Variants in ROBO2 observed in about 807,000 individuals in gnomAD.
The protein encoded by ROBO2 is roundabout guidance receptor 2, also known as roundabout homolog 2.
A neutral mutation model predicts 160.8 loss-of-function variants in ROBO2; 53 were observed. The observed-to-expected ratio is 0.33, with a 90% CI of 0.26 to 0.41. The LOEUF (loss-of-function observed/expected upper bound fraction) is 0.41. Ranked by LOEUF, ROBO2 falls within the 10% of genes least tolerant of loss-of-function variation. The probability of loss-of-function intolerance (pLI) is 1.00; values close to 1 mark genes in which losing one functional copy is unlikely to be tolerated. For missense variants in ROBO2, 1,577 were observed against 1,722.4 expected, an observed-to-expected ratio of 0.92 and a Z score of 1.49; for synonymous variants, 664 against 611.7, an observed-to-expected ratio of 1.09 and a Z score of -1.26.
chr3:77,443,040 A>T (rs2153555389), intron 2 of ROBO2, among the ~76,000 whole-genome samples: 1 of 152,310 alleles, frequency 6.6e-6, no homozygotes, highest in East Asian at 1.9e-4. Context: ...AATAGTTGAA[A>T]ACCAAATTTA....
intron 2 of ROBO2, among the ~76,000 whole-genome samples, chr3:76,344,519 A>G (rs979758710): frequency 6.6e-6 from 1 of 152,174 alleles, no homozygotes; most frequent in African/African-American, 2.4e-5. Flanking sequence ...AAGGAACTCC[A>G]AAACTCAGAA....
intron 2 of ROBO2, among the ~76,000 whole-genome samples, chr3:76,890,399 T>C (rs929429590): frequency 1.3e-5 from 2 of 152,172 alleles, no homozygotes; most frequent in African/African-American, 2.4e-5. Flanking sequence ...TATACTTTAT[T>C]ACCTAAGATC....
chr3:76,979,927 CA>C (rs1313617915), intron 2 of ROBO2, among the ~76,000 whole-genome samples: 6 of 150,892 alleles, frequency 4.0e-5, no homozygotes, highest in African/African-American at 1.5e-4. Context: ...CTTTCTGTTC[CA>C]AAACCTGATA....
At chr3:77,517,979 G>A (rs904763271) in intron 5 of ROBO2, among the ~76,000 whole-genome samples, 4 of 151,620 alleles carry the variant, frequency 2.6e-5, no homozygotes, top group African/African-American at 7.2e-5. Context: ...TTATTGTACA[G>A]TATATGGTTG....
At chr3:77,294,908 G>A (rs908720217) in intron 2 of ROBO2, among the ~76,000 whole-genome samples, 2 of 151,884 alleles carry the variant, frequency 1.3e-5, no homozygotes, top group Non-Finnish European at 2.9e-5. Context: ...GTAAGCTGAG[G>A]CTAGATCACC....
chr3:77,391,287 A>T (rs915128282), intron 2 of ROBO2, among the ~76,000 whole-genome samples: 1 of 152,118 alleles, frequency 6.6e-6, no homozygotes, highest in Non-Finnish European at 1.5e-5. Flanking sequence ...TATAATTTAT[A>T]AACATCAAAA....
intron 2 of ROBO2, among the ~76,000 whole-genome samples, chr3:77,126,945 C>G (rs574315962): frequency 6.6e-6 from 1 of 151,494 alleles, no homozygotes; most frequent in Non-Finnish European, 1.5e-5. Context: ...CCCGCCACCA[C>G]GCCCGGCTAA....
chr3:77,149,090 C>T (rs1014090629), intron 2 of ROBO2, among the ~76,000 whole-genome samples: 1 of 143,416 alleles, frequency 7.0e-6, no homozygotes, highest in Non-Finnish European at 1.5e-5. Context: ...GGCTGGAGTG[C>T]GGTGGCATGA....
intron 13 of ROBO2, among the ~76,000 whole-genome samples, chr3:77,573,589 A>G (rs913643903): frequency 6.6e-6 from 1 of 152,066 alleles, no homozygotes; most frequent in African/African-American, 2.4e-5. Flanking sequence ...GGTAATGGGC[A>G]TAAACGTTCA....
At chr3:77,164,646 C>T (rs1447636630) in intron 2 of ROBO2, among the ~76,000 whole-genome samples, 2 of 121,888 alleles carry the variant, frequency 1.6e-5, no homozygotes, top group African/African-American at 3.2e-5. Flanking sequence ...CCAGCCGCCC[C>T]GTCCGGGAGG....
At chr3:75,960,762 C>T (rs1948881354) in intron 2 of ROBO2, among the ~76,000 whole-genome samples, 1 of 151,554 alleles carries the variant, frequency 6.6e-6, no homozygotes, top group East Asian at 2.0e-4. Context: ...CAATCTTGTG[C>T]AAGTCACCTG....
chr3:76,127,894 CTTTTTTTTT>C (rs10691388), intron 2 of ROBO2, among the ~76,000 whole-genome samples: 1 of 117,646 alleles, frequency 8.5e-6, no homozygotes, highest in African/African-American at 3.3e-5. Flanking sequence ...GAAGACATTT[CTTTTTTTTT>C]TTTTTTTTTT....
At chr3:76,044,825 A>G (rs2067397946) in intron 2 of ROBO2, among the ~76,000 whole-genome samples, 1 of 152,048 alleles carries the variant, frequency 6.6e-6, no homozygotes, top group Admixed American at 6.5e-5. Flanking sequence ...TAAGGTGTCT[A>G]GGTTAGCTGT....
chr3:76,325,141 A>G (rs966783041), intron 2 of ROBO2, among the ~76,000 whole-genome samples: 5 of 152,354 alleles, frequency 3.3e-5, no homozygotes, highest in African/African-American at 9.6e-5. Context: ...ATCAGACTCA[A>G]ATAAAAGCCT....
At chr3:76,417,775 A>G (rs1274331592) in intron 2 of ROBO2, among the ~76,000 whole-genome samples, 1 of 152,154 alleles carries the variant, frequency 6.6e-6, no homozygotes, top group Non-Finnish European at 1.5e-5. Context: ...TAGGTGAAAA[A>G]AAAATCAAGT....
At chr3:77,226,210 AAAAC>A (rs2086478299) in intron 2 of ROBO2, among the ~76,000 whole-genome samples, 1 of 152,124 alleles carries the variant, frequency 6.6e-6, no homozygotes, top group Admixed American at 6.6e-5. Flanking sequence ...GTTTTCTTAG[AAAAC>A]AAACAAAATT....
intron 2 of ROBO2, among the ~76,000 whole-genome samples, chr3:76,737,146 A>G (rs1191007275): frequency 6.6e-6 from 1 of 152,206 alleles, no homozygotes; most frequent in East Asian, 1.9e-4. Flanking sequence ...AAACTAATAT[A>G]GTGTTTTTTT....
intron 17 of ROBO2, among the ~76,000 whole-genome samples, chr3:77,590,222 A>G (rs1047664425): frequency 6.6e-6 from 1 of 152,150 alleles, no homozygotes; most frequent in Non-Finnish European, 1.5e-5. Flanking sequence ...ACTACAGCAT[A>G]TCCATTGACA....
chr3:77,298,555 G>A (rs2062359332), intron 2 of ROBO2, among the ~76,000 whole-genome samples: 1 of 152,128 alleles, frequency 6.6e-6, no homozygotes, highest in Non-Finnish European at 1.5e-5. Flanking sequence ...ACTGAAGTGG[G>A]AGAAGGTTTA....
Sources: gnomAD v4.1 joint callset for allele counts (sites outside exome capture counted in the v4.1 genomes callset) on GRCh38, gnomAD v4.1.1 for gene constraint, MANE v1.5 for transcripts, NCBI Gene and HGNC (gene_info 2026-07-23, HGNC 2026-07-21) for gene names.